Variants in ZBTB10 observed in about 807,000 individuals in gnomAD.
ZBTB10 encodes the protein zinc finger and BTB domain containing 10, also known as zinc finger and BTB domain-containing protein 10.
A neutral mutation model predicts 76.4 loss-of-function variants in ZBTB10; 32 were observed. The observed-to-expected ratio is 0.42, with a 90% CI of 0.32 to 0.56. The LOEUF is 0.56. ZBTB10 is among the 20% of genes least tolerant of loss of function. The pLI, the probability that ZBTB10 is intolerant of heterozygous loss-of-function variation, is 0.14. For synonymous variants in ZBTB10, 523 were observed against 432.9 expected, an observed-to-expected ratio of 1.21 and a Z score of -2.58; for missense variants, 1,057 against 1,098.5, an observed-to-expected ratio of 0.96 and a Z score of 0.53.
rs1278498590 is a variant in ZBTB10 at position 80,487,068 on chromosome 8, C to T, written c.258C>T (p.Gly86=). 5 of 1,515,442 alleles carry T rather than the reference C, an allele frequency of 3.3e-6. No individual in the cohort carries two copies. The South Asian group carries it at 6.1e-5, about 18-fold the overall frequency. The allele number at this position is 1,515,442 out of a possible 1,614,324, so 93.9% of individuals were successfully genotyped here. A position where few individuals can be genotyped will look rare whatever the true frequency, so the allele number is the denominator to read the frequency against. Residue 86 remains glycine, a synonymous_variant, in exon 1 of 6, where the codon GGC becomes GGT. Coordinates refer to ENST00000455036, the MANE Select transcript of ZBTB10 (RefSeq NM_001105539.3). ...DLEASAGPAA[G]AAEEAKELLL... is the part of the protein sequence containing the mutation. ...AGGCCTCCGCCGGGCCGGCCGCCGG[C>T]GCCGCCGAGGAAGCCAAGGAGTTGC... is the stretch of plus-strand genomic sequence containing the variant.
Position 80,521,417 on chromosome 8 carries a change from T to C in ZBTB10, c.*1889T>C, listed in dbSNP as rs1816445958. The C allele has an allele frequency of 6.6e-6, 1 of 151,832 alleles. No individual in the cohort carries two copies. The highest frequency in any genetic ancestry group is 2.4e-5 in the African/African-American group (1 of 41,444). 9.4% of individuals were successfully genotyped at this position (151,832 alleles called of 1,614,324 possible). Reference sequence around the variant, plus strand: ...ATGAAAAAGTATTTTAAACGTAAAATGTTCTTTGTGAATATGTAAGTATAG... The same window carrying C: ...ATGAAAAAGTATTTTAAACGTAAAACGTTCTTTGTGAATATGTAAGTATAG... On this transcript the variant is annotated 3_prime_UTR_variant, in exon 6 of 6. Coordinates refer to ENST00000455036, the MANE Select transcript of ZBTB10 (RefSeq NM_001105539.3).
intron 1 of ZBTB10, among the ~76,000 whole-genome samples, chr8:80,489,002 AG>A (rs1563455495): frequency 3.6e-5 from 5 of 139,888 alleles, no homozygotes. Context: ...ACAATGTAGT[AG>A]GGTTTTTGTT....
intron 3 of ZBTB10, among the ~76,000 whole-genome samples, chr8:80,517,375 G>T (rs1816350083): frequency 6.6e-6 from 1 of 152,034 alleles, no homozygotes. Flanking sequence ...AAAGGTTCCT[G>T]GTCCAAGGAA....
intron 2 of ZBTB10, among the ~76,000 whole-genome samples, chr8:80,511,661 T>C (rs1234998114): frequency 6.6e-6 from 1 of 152,188 alleles, no homozygotes; most frequent in Non-Finnish European, 1.5e-5. Context: ...TTTTGATTAT[T>C]GAAATACATT....
rs1431781233 is a variant in ZBTB10, at chr8:80,499,922, T to G, written c.1401T>G (p.Ile467Met). The change falls in exon 2 of 6, where the codon ATT (isoleucine) becomes ATG (methionine). Residue 467 changes from isoleucine to methionine, a missense_variant. Ile to Met is a conservative substitution (Grantham distance 10, BLOSUM62 1). Transcript: ENST00000455036. Reference sequence around the variant, plus strand: ...TTAAAGATGCCTTAAATATAAGCATTAAATCAGAAGCTCCAGAGTCTGTAG... The same window carrying G: ...TTAAAGATGCCTTAAATATAAGCATGAAATCAGAAGCTCCAGAGTCTGTAG... ...NFIKDALNIS[I>M]KSEAPESVVV... 1.9e-6 allele frequency: 3 copies of G among 1,613,836 alleles called. No individual in the cohort carries two copies. Among genetic ancestry groups the G allele is most frequent in the Non-Finnish European group, 2.5e-6 (3 of 1,179,868 alleles).
At chr8:80,495,596 C>T (rs192959180) in intron 1 of ZBTB10, among the ~76,000 whole-genome samples, 1 of 152,038 alleles carries the variant, frequency 6.6e-6, no homozygotes, top group African/African-American at 2.4e-5. Flanking sequence ...AAGAGTCTTA[C>T]CCACTAACAG....
chr8:80,486,478 G>A lies in ZBTB10; in HGVS notation c.-333G>A, dbSNP rs977298192. The stretch of plus-strand genomic sequence containing the variant: ...CCGCACTCCGCTGCTCAACTTCGAA[G>A]GCCTCGCTCGCTGCAGGCTCGCTCC... On this transcript the variant is annotated 5_prime_UTR_variant, in exon 1 of 6. Coordinates refer to ENST00000455036, the MANE Select transcript of ZBTB10 (RefSeq NM_001105539.3). 16 of 985,246 alleles carry A rather than the reference G, an allele frequency of 1.6e-5. No individual in the cohort carries two copies. Among genetic ancestry groups the A allele is most frequent in the East Asian group, 1.1e-4 (1 of 8,698 alleles). The allele number at this position is 985,246 out of a possible 1,614,324, so 61.0% of individuals were successfully genotyped here.
intron 2 of ZBTB10, among the ~76,000 whole-genome samples, chr8:80,512,717 A>G (rs923326739): frequency 6.6e-6 from 1 of 152,194 alleles, no homozygotes; most frequent in Non-Finnish European, 1.5e-5. Flanking sequence ...GTCTCCAAAA[A>G]AAAGTAACTT....
intron 3 of ZBTB10, among the ~76,000 whole-genome samples, chr8:80,514,954 C>T (rs968078420): frequency 2.6e-5 from 4 of 152,058 alleles, no homozygotes; most frequent in Admixed American, 6.6e-5. Flanking sequence ...GTTAATGTTA[C>T]GACAGACAAG....
At chr8:80,509,959 A>G (rs77366486) in intron 2 of ZBTB10, among the ~76,000 whole-genome samples, 2,528 of 152,192 alleles carry the variant, frequency 0.017, 75 homozygotes, top group African/African-American at 0.058. Context: ...CCTTCCATGA[A>G]TAGTACCTCT....
chr8:80,524,176 C>T lies in ZBTB10; in HGVS notation c.*4648C>T, dbSNP rs1464086410. 1 of 151,930 alleles carries T rather than the reference C, an allele frequency of 6.6e-6. No individual in the cohort carries two copies. The highest frequency in any genetic ancestry group is 1.5e-5 in the Non-Finnish European group (1 of 67,898). The allele number at this position is 151,930 out of a possible 1,614,324, so 9.4% of individuals were successfully genotyped here. A position where few individuals can be genotyped will look rare whatever the true frequency, so the allele number is the denominator to read the frequency against. On this transcript the variant is annotated 3_prime_UTR_variant, in exon 6 of 6. Coordinates refer to ENST00000455036, the MANE Select transcript of ZBTB10 (RefSeq NM_001105539.3). ...AATGAACTTTGACTTATGTATAATT[C>T]AGATATCTTTGTACTTAAGGCTTAC...
chr8:80,519,127 T>A, intron 5 of ZBTB10, 96 bp from the exon 6 acceptor site: 1 of 1,418,782 alleles, frequency 7.0e-7, no homozygotes, highest in Non-Finnish European at 9.4e-7. Context: ...ACTGGTGTAT[T>A]CACTCACTAT....
chr8:80,514,607 G>A (rs113211670), intron 3 of ZBTB10, among the ~76,000 whole-genome samples: 3,285 of 152,330 alleles, frequency 0.022, 72 homozygotes, highest in Middle Eastern at 0.082. Flanking sequence ...CCGTTAATGG[G>A]CTTGTCCCCC....
chr8:80,488,400 G>C (rs1214843009), intron 1 of ZBTB10, among the ~76,000 whole-genome samples: 6 of 151,980 alleles, frequency 3.9e-5, no homozygotes, highest in African/African-American at 1.5e-4. Flanking sequence ...TTCTTACTAC[G>C]GCTTGGTTTT....
intron 1 of ZBTB10, among the ~76,000 whole-genome samples, chr8:80,493,239 A>G (rs927237404): frequency 6.6e-6 from 1 of 150,466 alleles, no homozygotes; most frequent in Non-Finnish European, 1.5e-5. Flanking sequence ...ACACACACAC[A>G]CACACAGCCT....
In ZBTB10 at chr8:80,487,200, C is replaced by G. The variant is rs1388112829; in HGVS notation, c.390C>G (p.Gly130=). Residue 130 remains glycine, a synonymous_variant, in exon 1 of 6, where the codon GGC becomes GGG. Transcript: ENST00000455036. ...RRTLAFRGGG[G]GGLGNNGSSR... ...CTCTGGCCTTCCGAGGCGGCGGCGGCGGGGGTCTCGGCAACAATGGCAGTA... is the reference window on the plus strand; with the variant it reads ...CTCTGGCCTTCCGAGGCGGCGGCGGGGGGGGTCTCGGCAACAATGGCAGTA... The G allele has an allele frequency of 1.3e-6, 2 of 1,536,264 alleles. No individual in the cohort carries two copies. Among genetic ancestry groups the G allele is most frequent in the Non-Finnish European group, 8.7e-7 (1 of 1,143,772 alleles).
intron 1 of ZBTB10, among the ~76,000 whole-genome samples, chr8:80,496,116 A>G (rs1275230245): frequency 6.6e-6 from 1 of 152,234 alleles, no homozygotes; most frequent in Non-Finnish European, 1.5e-5. Flanking sequence ...AAAAGTGGAC[A>G]TAGAACGTTA....
intron 2 of ZBTB10, 68 bp downstream of exon 2, chr8:80,500,450 A>G (rs1815894121): frequency 1.5e-6 from 2 of 1,359,334 alleles, no homozygotes; most frequent in South Asian, 1.8e-5. Flanking sequence ...ATCTTGAAGT[A>G]TATTTTTAAT....
intron 2 of ZBTB10, among the ~76,000 whole-genome samples, chr8:80,504,042 T>C (rs1029074581): frequency 3.3e-5 from 5 of 152,210 alleles, no homozygotes; most frequent in African/African-American, 1.2e-4. Context: ...ATTCAGCTAG[T>C]AAGAGTAGAA....
Sources: gnomAD v4.1 joint callset for allele counts (sites outside exome capture counted in the v4.1 genomes callset) on GRCh38, gnomAD v4.1.1 for gene constraint, MANE v1.5 for transcripts, NCBI Gene and HGNC (gene_info 2026-07-23, HGNC 2026-07-21) for gene names.